Variants in PAM observed in about 807,000 individuals in gnomAD.
The protein encoded by PAM is peptidylglycine alpha-amidating monooxygenase.
A neutral mutation model predicts 122.1 loss-of-function variants in PAM; 72 were observed. The observed-to-expected ratio is 0.59, with a 90% CI of 0.49 to 0.72. The LOEUF is 0.72. PAM is among the 30% of genes least tolerant of loss of function. The pLI, the probability that PAM is intolerant of heterozygous loss-of-function variation, is 0.00. For missense variants in PAM, 1,106 were observed against 1,183.7 expected (o/e 0.93, Z 0.96); for synonymous variants, 389 against 404.4 (o/e 0.96, Z 0.46).
Position 103,006,958 on chromosome 5 carries a change from G to T in PAM, c.1961G>T (p.Ser654Ile), listed in dbSNP as rs767949363. 1 of 1,613,994 alleles carries T rather than the reference G, an allele frequency of 6.2e-7. No homozygotes were observed. The highest frequency in any genetic ancestry group is 1.7e-5 in the Admixed American group (1 of 59,986). The change falls in exon 19 of 26, where the codon AGC (serine) becomes ATC (isoleucine). Residue 654 changes from serine (S) to isoleucine (I), a missense_variant. By Grantham distance (142) the Ser-to-Ile change is moderately radical. Around this residue, in one of 3 missense-constraint regions of PAM, gnomAD observed 103 missense variants for 157.9 expected, o/e 0.65. Coordinates refer to ENST00000438793, the MANE Select transcript of PAM (RefSeq NM_001177306.2). ...TATGTATCAGATGGTTACTGCAACA[G>T]CAGGATTGTGCAGTTTTCACCAAGT... ...AIYVSDGYCNSRIVQFSPSGK... is the reference protein window; with the variant it reads ...AIYVSDGYCNIRIVQFSPSGK...
Position 102,974,274 on chromosome 5 carries a change from A to G in PAM, c.1321A>G (p.Arg441Gly), listed in dbSNP as rs183999612. The G allele has an allele frequency of 2.5e-6, 4 of 1,614,122 alleles. No individual in the cohort carries two copies. The Admixed American group carries it at 6.7e-5, about 27-fold the overall frequency. The change falls in exon 15 of 26, where the codon AGA becomes GGA. Residue 441 changes from arginine (R) to glycine (G), a missense_variant. This residue lies in a region of PAM where 670 missense variants were observed against 690.3 expected (regional missense o/e 0.97). Coordinates refer to ENST00000438793, the MANE Select transcript of PAM (RefSeq NM_001177306.2). ...AAAGGATCTTGGTCGATCTGATGCC[A>G]GAGAGGGTGCAGAACATGAGAGGGG... is the stretch of plus-strand genomic sequence containing the variant. Reference protein sequence around the residue: ...QKKDLGRSDAREGAEHERGNA... With the variant: ...QKKDLGRSDAGEGAEHERGNA...
In PAM at chr5:102,859,066, C is replaced by T. The variant is rs1307216390; in HGVS notation, c.-373-6757C>T. On this transcript the variant is annotated intron_variant, in intron 1 of 25. Coordinates refer to ENST00000438793, the MANE Select transcript of PAM (RefSeq NM_001177306.2). ...ATATGATTGTGTATAGTACGTAATA[C>T]TTGATAAAGATAATAAACGACTGTG... Among the ~76,000 whole-genome samples the T allele has an allele frequency of 2.0e-5, 3 of 150,724 alleles. No individual in the cohort carries two copies. The South Asian group carries it at 6.7e-4, about 34-fold the overall frequency.
At chr5:102,782,561 C>G (rs566680528) in intron 1 of PAM, among the ~76,000 whole-genome samples, 1 of 152,266 alleles carries the variant, frequency 6.6e-6, no homozygotes, top group African/African-American at 2.4e-5. Context: ...GCAAATCTTT[C>G]AAACATAATA....
chr5:102,972,346 A>T (rs1766102505), intron 14 of PAM, among the ~76,000 whole-genome samples: 1 of 152,122 alleles, frequency 6.6e-6, no homozygotes, highest in Non-Finnish European at 1.5e-5. Flanking sequence ...CCGTGGCGTG[A>T]TCATAGCTCA....
chr5:102,864,695 T>A (rs894714739), intron 1 of PAM: 6 of 152,206 alleles, frequency 3.9e-5, no homozygotes, highest in African/African-American at 1.4e-4. Flanking sequence ...TTTTTCCTTA[T>A]TTTTTCTTTT....
At chr5:102,958,161 G>C (rs902630467) in intron 12 of PAM, among the ~76,000 whole-genome samples, 2 of 152,018 alleles carry the variant, frequency 1.3e-5, no homozygotes, top group African/African-American at 4.8e-5. Context: ...TGAAAACATG[G>C]GTATTGGCAT....
At chr5:102,979,447 TA>T (rs1156277769) in intron 15 of PAM, among the ~76,000 whole-genome samples, 2 of 152,118 alleles carry the variant, frequency 1.3e-5, no homozygotes, top group Admixed American at 1.3e-4. Context: ...CTGACCAAAA[TA>T]AGACATCCTT....
At chr5:102,755,552 T>G (rs114385963) in intron 1 of PAM, 3,797 of 152,458 alleles carry the variant, frequency 0.025, 59 homozygotes, top group Middle Eastern at 0.078. Flanking sequence ...GGGAGGATTT[T>G]GGGGACTGAG....
intron 12 of PAM, among the ~76,000 whole-genome samples, chr5:102,953,389 G>C (rs1391377803): frequency 6.6e-6 from 1 of 152,148 alleles, no homozygotes; most frequent in Non-Finnish European, 1.5e-5. Context: ...AAGGAGGGGG[G>C]GGAATCCTGT....
chr5:102,832,934 CTGTT>C (rs1198126488), intron 1 of PAM, among the ~76,000 whole-genome samples: 1 of 152,140 alleles, frequency 6.6e-6, no homozygotes, highest in Non-Finnish European at 1.5e-5. Context: ...AAAATCAAGA[CTGTT>C]TGACTTCACT....
intron 1 of PAM, among the ~76,000 whole-genome samples, chr5:102,862,063 G>T (rs960354484): frequency 2.0e-5 from 3 of 151,708 alleles, no homozygotes; most frequent in Non-Finnish European, 4.4e-5. Flanking sequence ...CCGGCTACTC[G>T]GGAGGCTGAG....
chr5:102,814,766 A>G (rs145251357), intron 1 of PAM, among the ~76,000 whole-genome samples: 3 of 152,052 alleles, frequency 2.0e-5, no homozygotes, highest in African/African-American at 7.2e-5. Flanking sequence ...AAAATTCTAA[A>G]TTGATGTATT....
intron 14 of PAM, among the ~76,000 whole-genome samples, chr5:102,964,776 C>T (rs1763556747): frequency 1.3e-5 from 2 of 151,668 alleles, no homozygotes; most frequent in South Asian, 4.1e-4. Context: ...AATGTATACA[C>T]AATTTCATAG....
intron 1 of PAM, among the ~76,000 whole-genome samples, chr5:102,856,688 A>AT (rs1293932511): frequency 2.6e-5 from 4 of 152,312 alleles, no homozygotes; most frequent in Admixed American, 2.0e-4. Flanking sequence ...GTTACTGATC[A>AT]TGGAAACAAA....
At position 102,924,843 on chromosome 5, in the gene PAM, T is replaced by C. The variant is rs76255807; in HGVS notation, c.357-114T>C. The C allele has an allele frequency of 1.3e-3, 832 of 658,724 alleles. 3 individuals are homozygous for C. In the African/African-American group the frequency reaches 0.013, roughly 11 times the overall value. The allele number at this position is 658,724 out of a possible 1,614,324, so 40.8% of individuals were successfully genotyped here. A position where few individuals can be genotyped will look rare whatever the true frequency, so the allele number is the denominator to read the frequency against. Reference sequence around the variant, plus strand: ...TAAAGCTAATATCATGCAATGATGATATATTGATGTACTTTGGTTTCAAAT... The same window carrying C: ...TAAAGCTAATATCATGCAATGATGACATATTGATGTACTTTGGTTTCAAAT... On this transcript the variant is annotated intron_variant, in intron 5 of 25. Coordinates refer to ENST00000438793, the MANE Select transcript of PAM (RefSeq NM_001177306.2).
At chr5:102,940,145 CACACAT>C (rs1251473086) in intron 7 of PAM, among the ~76,000 whole-genome samples, 25 of 146,510 alleles carry the variant, frequency 1.7e-4, no homozygotes, top group African/African-American at 6.4e-4. Context: ...CACACACACA[CACACAT>C]ACACACACAC....
chr5:102,957,062 T>G (rs1760982989), intron 12 of PAM, among the ~76,000 whole-genome samples: 1 of 152,178 alleles, frequency 6.6e-6, no homozygotes, highest in Admixed American at 6.6e-5. Context: ...GATGGACAGA[T>G]GGACAGATAG....
intron 16 of PAM, among the ~76,000 whole-genome samples, chr5:102,992,086 T>C (rs1774246423): frequency 6.6e-6 from 1 of 152,134 alleles, no homozygotes; most frequent in African/African-American, 2.4e-5. Context: ...GGGTGGAAGA[T>C]GAAGTAAGAC....
At chr5:102,756,291 A>G (rs1750296085) in intron 1 of PAM, among the ~76,000 whole-genome samples, 1 of 152,158 alleles carries the variant, frequency 6.6e-6, no homozygotes, top group Admixed American at 6.5e-5. Flanking sequence ...TTGCGGGGCT[A>G]AAAGGCATGT....
Sources: allele counts gnomAD v4.1 joint callset (sites outside exome capture counted in the v4.1 genomes callset), GRCh38; gene constraint gnomAD v4.1.1; regional missense constraint gnomAD v4.1.1; transcripts MANE v1.5; gene names NCBI Gene and HGNC (gene_info 2026-07-23, HGNC 2026-07-21).